Variants in GTF2E2 observed in about 807,000 individuals in gnomAD.
The protein encoded by GTF2E2 is general transcription factor IIE subunit 2, also known as transcription initiation factor IIE subunit beta.
A neutral mutation model predicts 40.5 loss-of-function variants in GTF2E2; 21 were observed. The observed-to-expected ratio is 0.52, with a 90% CI of 0.37 to 0.75. The LOEUF is 0.75. Among genes scored for constraint, GTF2E2 ranks in the 30% least tolerant of loss-of-function variants. The pLI, the probability that GTF2E2 is intolerant of heterozygous loss-of-function variation, is 0.00. For synonymous variants in GTF2E2, 117 were observed against 121.6 expected (o/e 0.96, Z 0.25); for missense variants, 298 against 338.4 (o/e 0.88, Z 0.94).
chr8:30,630,535 T>A (rs1176473530), intron 3 of GTF2E2, among the ~76,000 whole-genome samples: 1 of 152,198 alleles, frequency 6.6e-6, no homozygotes, highest in Non-Finnish European at 1.5e-5. Context: ...AGTGGGAGAC[T>A]TTCCAAGAAT....
In GTF2E2 at chr8:30,579,045, A is replaced by G; in HGVS notation, c.760-8T>C. ...CCTTCTCTGAATAGGGGCCTAAAGG[A>G]AAAGGTAAAAACAATTAGAAACAAC... On this transcript the variant is annotated splice_region_variant and splice_polypyrimidine_tract_variant and intron_variant, in intron 7 of 7. Transcript: ENST00000355904. 1 of 1,418,070 alleles carries G rather than the reference A, an allele frequency of 7.1e-7. No homozygotes were observed. The highest frequency in any genetic ancestry group is 1.0e-6 in the Non-Finnish European group (1 of 1,001,512). The allele number at this position is 1,418,070 out of a possible 1,614,324, so 87.8% of individuals were successfully genotyped here. A position where few individuals can be genotyped will look rare whatever the true frequency, so the allele number is the denominator to read the frequency against.
intron 6 of GTF2E2, among the ~76,000 whole-genome samples, chr8:30,590,925 G>A (rs897892896): frequency 2.0e-5 from 3 of 151,972 alleles, no homozygotes; most frequent in Admixed American, 6.6e-5. Context: ...TCCTAACCTC[G>A]GATGATCCAC....
At chr8:30,628,425 C>T (rs535680197) in intron 3 of GTF2E2, among the ~76,000 whole-genome samples, 1 of 152,092 alleles carries the variant, frequency 6.6e-6, no homozygotes, top group Non-Finnish European at 1.5e-5. Flanking sequence ...AGAGCACTGA[C>T]AATTATTATT....
chr8:30,647,986 T>C lies in GTF2E2; in HGVS notation c.166+5447A>G, dbSNP rs572765760. On this transcript the variant is annotated intron_variant, in intron 2 of 7. Coordinates refer to ENST00000355904, the MANE Select transcript of GTF2E2 (RefSeq NM_002095.6). ...AACCACGTCACTACAATGGAGCACA[T>C]TGGAAGCTCTGTCAAAAAGAGTAGT... Among the ~76,000 whole-genome samples, 11 of 152,238 alleles carry C rather than the reference T, an allele frequency of 7.2e-5. No individual in the cohort carries two copies. The East Asian group carries it at 7.7e-4, about 11-fold the overall frequency.
At chr8:30,610,494 C>G (rs2151127343) in intron 5 of GTF2E2, among the ~76,000 whole-genome samples, 1 of 149,192 alleles carries the variant, frequency 6.7e-6, no homozygotes. Context: ...GTAGTGCTGG[C>G]ATGAAGAAAG....
At chr8:30,654,199 G>C (rs571542695) in intron 1 of GTF2E2, among the ~76,000 whole-genome samples, 2 of 151,916 alleles carry the variant, frequency 1.3e-5, no homozygotes, top group African/African-American at 4.8e-5. Context: ...TATTAAACAT[G>C]TGAAATGTGG....
At chr8:30,649,336 T>C (rs1171858931) in intron 2 of GTF2E2, among the ~76,000 whole-genome samples, 1 of 151,542 alleles carries the variant, frequency 6.6e-6, no homozygotes, top group African/African-American at 2.4e-5. Flanking sequence ...TAAAAGATAA[T>C]AATGTAAGAG....
intron 2 of GTF2E2, among the ~76,000 whole-genome samples, chr8:30,637,519 A>ATTTAT (rs200859042): frequency 1.5e-4 from 2 of 13,498 alleles, no homozygotes; most frequent in African/African-American, 4.3e-4. Context: ...ATTTTATTTT[A>ATTTAT]TTTATTTTAT....
At chr8:30,629,264 T>C (rs1046932536) in intron 3 of GTF2E2, among the ~76,000 whole-genome samples, 1 of 152,188 alleles carries the variant, frequency 6.6e-6, no homozygotes, top group East Asian at 1.9e-4. Flanking sequence ...ACCAGAACTG[T>C]GTCTATGAGC....
At chr8:30,600,223 T>A (rs1034301677) in intron 6 of GTF2E2, among the ~76,000 whole-genome samples, 1 of 152,196 alleles carries the variant, frequency 6.6e-6, no homozygotes, top group Non-Finnish European at 1.5e-5. Context: ...CTGAGACTGC[T>A]AAATTGGCTT....
At chr8:30,613,986 C>T (rs1384413215) in intron 4 of GTF2E2, among the ~76,000 whole-genome samples, 2 of 152,176 alleles carry the variant, frequency 1.3e-5, no homozygotes, top group Non-Finnish European at 2.9e-5. Context: ...ATCTTCCTAT[C>T]CCTGCAGTAC....
intron 3 of GTF2E2, among the ~76,000 whole-genome samples, chr8:30,616,047 T>C (rs1375426181): frequency 6.6e-6 from 1 of 152,022 alleles, no homozygotes; most frequent in Admixed American, 6.6e-5. Context: ...CTTAAATACA[T>C]ATTACTAAGG....
Position 30,586,539 on chromosome 8 carries a change from A to C in GTF2E2, c.644-6143T>G, listed in dbSNP as rs1486449093. The stretch of plus-strand genomic sequence containing the variant: ...ATTTTTCACATAAATAGAAAAAATA[A>C]TTCTAAAAGTCTAATGGAAACACAC... On this transcript the variant is annotated intron_variant, in intron 6 of 7. Coordinates refer to ENST00000355904, the MANE Select transcript of GTF2E2 (RefSeq NM_002095.6). Among the ~76,000 whole-genome samples, 3 of 152,348 alleles carry C rather than the reference A, an allele frequency of 2.0e-5. No homozygotes were observed. The South Asian group carries it at 6.2e-4, about 32-fold the overall frequency.
intron 2 of GTF2E2, among the ~76,000 whole-genome samples, chr8:30,638,792 T>A (rs1317586085): frequency 1.3e-5 from 2 of 152,224 alleles, no homozygotes; most frequent in Non-Finnish European, 2.9e-5. Flanking sequence ...AGGATTTTAT[T>A]ATGAAAATAT....
At chr8:30,617,747 G>C (rs1585969893) in intron 3 of GTF2E2, among the ~76,000 whole-genome samples, 1 of 137,624 alleles carries the variant, frequency 7.3e-6, no homozygotes, top group Non-Finnish European at 1.6e-5. Flanking sequence ...ACCAGATCTT[G>C]TCTCAAAAAA....
At chr8:30,650,862 A>G (rs1361761153) in intron 2 of GTF2E2, among the ~76,000 whole-genome samples, 2 of 152,118 alleles carry the variant, frequency 1.3e-5, no homozygotes, top group African/African-American at 4.8e-5. Flanking sequence ...AAAGACAAAA[A>G]AATTAGCCAG....
At chr8:30,606,281 A>T (rs1226219001) in intron 6 of GTF2E2, among the ~76,000 whole-genome samples, 1 of 152,232 alleles carries the variant, frequency 6.6e-6, no homozygotes, top group Non-Finnish European at 1.5e-5. Context: ...CAGGGAAACT[A>T]AAGCCCTATC....
At chr8:30,632,755 G>A (rs1801478758) in intron 3 of GTF2E2, among the ~76,000 whole-genome samples, 1 of 152,078 alleles carries the variant, frequency 6.6e-6, no homozygotes. Flanking sequence ...CAAGTTGGGT[G>A]GTTTCCATTC....
At chr8:30,646,805 C>G (rs1444739228) in intron 2 of GTF2E2, among the ~76,000 whole-genome samples, 5 of 151,756 alleles carry the variant, frequency 3.3e-5, no homozygotes, top group Non-Finnish European at 7.4e-5. Context: ...GATGGTGAAA[C>G]CCCGTCTATA....
Sources: gnomAD v4.1 joint callset for allele counts (sites outside exome capture counted in the v4.1 genomes callset) on GRCh38, gnomAD v4.1.1 for gene constraint, MANE v1.5 for transcripts, NCBI Gene and HGNC (gene_info 2026-07-23, HGNC 2026-07-21) for gene names.